The following FHIT variants were observed in gnomAD, a reference collection of about 807,000 sequenced individuals.
FHIT encodes bis(5'-adenosyl)-triphosphatase.
FHIT carries 19 observed loss-of-function variants against 17.9 expected under a neutral mutation model. That is an observed-to-expected ratio of 1.06 (90% CI 0.74 to 1.56). FHIT has a LOEUF of 1.56. FHIT is among the 40% of genes most tolerant of loss of function. FHIT has a pLI of 0.00. For synonymous variants in FHIT, 81 were observed against 69.7 expected (o/e 1.16, Z -0.81); for missense variants, 248 against 189.2 (o/e 1.31, Z -1.82).
At chr3:60,164,722 C>A (rs1576233370) in intron 5 of FHIT, among the ~76,000 whole-genome samples, 1 of 152,152 alleles carries the variant, frequency 6.6e-6, no homozygotes, top group Admixed American at 6.5e-5. Flanking sequence ...TACCACTGGG[C>A]TTGCCAGTGC....
chr3:60,753,504 G>A (rs566758410), intron 4 of FHIT, among the ~76,000 whole-genome samples: 2 of 152,156 alleles, frequency 1.3e-5, no homozygotes, highest in African/African-American at 2.4e-5. Context: ...GTAAGGGAGC[G>A]ATCCACTCTC....
chr3:60,243,254 C>A (rs1475757696), intron 5 of FHIT, among the ~76,000 whole-genome samples: 1 of 152,058 alleles, frequency 6.6e-6, no homozygotes, highest in East Asian at 1.9e-4. Flanking sequence ...AGAGTTAACA[C>A]TCAATGAATG....
chr3:59,876,992 G>A (rs764229283), intron 8 of FHIT, among the ~76,000 whole-genome samples: 3 of 152,166 alleles, frequency 2.0e-5, no homozygotes, highest in Non-Finnish European at 4.4e-5. Flanking sequence ...AAGAAGAAAT[G>A]AGAATCATTC....
chr3:60,538,953 A>C (rs2036084401), intron 4 of FHIT, among the ~76,000 whole-genome samples: 1 of 152,036 alleles, frequency 6.6e-6, no homozygotes, highest in East Asian at 1.9e-4. Context: ...GTTCTAATTA[A>C]ACTAAAGAGC....
chr3:60,791,748 A>G (rs1700783446), intron 4 of FHIT, among the ~76,000 whole-genome samples: 1 of 152,220 alleles, frequency 6.6e-6, no homozygotes, highest in African/African-American at 2.4e-5. Flanking sequence ...TCAACTCTGA[A>G]TAATGTGAGG....
intron 5 of FHIT, among the ~76,000 whole-genome samples, chr3:60,106,068 G>A (rs1208119256): frequency 6.6e-6 from 1 of 152,180 alleles, no homozygotes; most frequent in African/African-American, 2.4e-5. Context: ...CTCTTCTGGA[G>A]CGGGAATCTT....
At chr3:61,034,100 T>C (rs1231194076) in intron 3 of FHIT, among the ~76,000 whole-genome samples, 1 of 152,146 alleles carries the variant, frequency 6.6e-6, no homozygotes, top group Admixed American at 6.5e-5. Context: ...CCTCACACCA[T>C]ATATAAAAAT....
chr3:60,449,423 C>T (rs551568373), intron 5 of FHIT, among the ~76,000 whole-genome samples: 8 of 121,324 alleles, frequency 6.6e-5, no homozygotes, highest in East Asian at 2.0e-4. Flanking sequence ...ACATCATATG[C>T]GCATACACAC....
intron 4 of FHIT, among the ~76,000 whole-genome samples, chr3:60,754,264 C>T (rs1336674712): frequency 6.6e-6 from 1 of 152,174 alleles, no homozygotes; most frequent in Non-Finnish European, 1.5e-5. Flanking sequence ...TGAAAACCAG[C>T]TCTTAAATGT....
intron 2 of FHIT, among the ~76,000 whole-genome samples, chr3:61,145,059 C>T (rs1430855378): frequency 6.6e-6 from 1 of 152,082 alleles, no homozygotes; most frequent in Non-Finnish European, 1.5e-5. Context: ...TCTAAATTAT[C>T]TATTTTTTAA....
rs1576114813 is a variant in FHIT at position 60,107,467 on chromosome 3, C to A, written c.104-93315G>T. ...AATTCATGCATTGGGCAGCTTCTAA[C>A]TGGAAGTCATTCACGAGCTCCACAG... On this transcript the variant is annotated intron_variant, in intron 5 of 9. Transcript: ENST00000492590. Among the ~76,000 whole-genome samples, 7 of 152,124 alleles carry A rather than the reference C, an allele frequency of 4.6e-5. No homozygotes were observed. The South Asian group carries it at 1.2e-3, about 27-fold the overall frequency.
intron 5 of FHIT, among the ~76,000 whole-genome samples, chr3:60,041,484 T>G (rs1701437860): frequency 6.6e-6 from 1 of 152,224 alleles, no homozygotes. Context: ...GAAGAAATGC[T>G]AAGTTAATTA....
At chr3:59,783,038 G>A (rs974812663) in intron 8 of FHIT, among the ~76,000 whole-genome samples, 1 of 152,114 alleles carries the variant, frequency 6.6e-6, no homozygotes, top group Non-Finnish European at 1.5e-5. Flanking sequence ...TGTCTGGGGA[G>A]TAGGGGTCCA....
intron 5 of FHIT, among the ~76,000 whole-genome samples, chr3:60,390,241 G>C (rs1701166464): frequency 6.6e-6 from 1 of 151,706 alleles, no homozygotes; most frequent in Non-Finnish European, 1.5e-5. Context: ...AATTTTTAAA[G>C]CTTGATTTCA....
intron 5 of FHIT, among the ~76,000 whole-genome samples, chr3:60,254,125 A>G (rs983253118): frequency 6.6e-6 from 1 of 152,096 alleles, no homozygotes; most frequent in Non-Finnish European, 1.5e-5. Context: ...CATTTTCCCA[A>G]TTGCTTCTTA....
rs565817792 is a variant in FHIT, at chr3:60,963,713, G to A, written c.-111+78334C>T. On this transcript the variant is annotated intron_variant, in intron 3 of 9. Coordinates refer to ENST00000492590, the MANE Select transcript of FHIT (RefSeq NM_002012.4). The stretch of plus-strand genomic sequence containing the variant: ...CCCAGTAGTCATTCAGGAGCAGGTT[G>A]TTCAGTTTCCATGCATTTGAGCGGT... Among the ~76,000 whole-genome samples the A allele has an allele frequency of 5.3e-5, 8 of 150,626 alleles. No homozygotes were observed. In the South Asian group the frequency reaches 1.7e-3, roughly 32 times the overall value.
At chr3:59,937,994 TAC>T (rs1338731297) in intron 7 of FHIT, among the ~76,000 whole-genome samples, 7 of 152,140 alleles carry the variant, frequency 4.6e-5, no homozygotes, top group Non-Finnish European at 8.8e-5. Context: ...AATCTCAACC[TAC>T]AGGGCTGCCA....
intron 2 of FHIT, among the ~76,000 whole-genome samples, chr3:61,173,343 C>G (rs80120037): frequency 1.3e-5 from 2 of 152,156 alleles, no homozygotes. Flanking sequence ...ACTAATCTAT[C>G]ACTCCAAAAT....
chr3:60,582,043 A>G (rs1576920129), intron 4 of FHIT, among the ~76,000 whole-genome samples: 2 of 152,046 alleles, frequency 1.3e-5, no homozygotes, highest in Non-Finnish European at 2.9e-5. Context: ...GTGTGCTTCA[A>G]AACCTAAGGG....
Sources: gnomAD v4.1 joint callset for allele counts (sites outside exome capture counted in the v4.1 genomes callset) on GRCh38, gnomAD v4.1.1 for gene constraint, MANE v1.5 for transcripts, NCBI Gene and HGNC (gene_info 2026-07-23, HGNC 2026-07-21) for gene names.